The following NXPE2 variants were observed in gnomAD, a reference collection of about 807,000 sequenced individuals.
NXPE2 encodes the protein NXPE family member 2.
A neutral mutation model predicts 34.4 loss-of-function variants in NXPE2; 34 were observed. That is an observed-to-expected ratio of 0.99 (90% CI 0.75 to 1.31). The LOEUF is 1.31. Ranked by LOEUF, NXPE2 falls within the 40% of genes most tolerant of loss-of-function variation. The probability of loss-of-function intolerance (pLI) is 0.00; values close to 1 mark genes in which losing one functional copy is unlikely to be tolerated. For missense variants in NXPE2, 649 were observed against 672.5 expected (o/e 0.97, Z 0.39); for synonymous variants, 235 against 231.3 (o/e 1.02, Z -0.15).
chr11:114,608,752 A>G, the NXPE2 span, among the ~76,000 whole-genome samples: 6 of 151,358 alleles, frequency 4.0e-5, no homozygotes, highest in African/African-American at 1.5e-4. Flanking sequence ...TACCCAATGG[A>G]TAATAAGTAC....
At chr11:114,534,329 T>C in the NXPE2 span, among the ~76,000 whole-genome samples, 1 of 151,832 alleles carries the variant, frequency 6.6e-6, no homozygotes, top group Non-Finnish European at 1.5e-5. Context: ...ATCACAAAGA[T>C]GGGGAAAAAA....
chr11:114,486,470 GT>G, the NXPE2 span, among the ~76,000 whole-genome samples: 1 of 152,054 alleles, frequency 6.6e-6, no homozygotes, highest in Non-Finnish European at 1.5e-5. Context: ...TTTGTGGATT[GT>G]TTCCTTTGCT....
chr11:114,776,224 C>A, the NXPE2 span, among the ~76,000 whole-genome samples: 1 of 152,204 alleles, frequency 6.6e-6, no homozygotes, highest in Non-Finnish European at 1.5e-5. Context: ...GCCCCCGTGT[C>A]CGGGCACAGG....
chr11:114,639,853 TA>T, the NXPE2 span, among the ~76,000 whole-genome samples: 1 of 91,528 alleles, frequency 1.1e-5, no homozygotes, highest in Non-Finnish European at 1.9e-5. Context: ...TAAAATATAA[TA>T]TATATTATAT....
chr11:114,643,971 T>A, the NXPE2 span, among the ~76,000 whole-genome samples: 3 of 152,156 alleles, frequency 2.0e-5, no homozygotes, highest in Non-Finnish European at 4.4e-5. Flanking sequence ...CTTGAAGAGG[T>A]CCTTCATATC....
chr11:114,503,728 G>A, the NXPE2 span, among the ~76,000 whole-genome samples: 3 of 152,220 alleles, frequency 2.0e-5, no homozygotes, highest in South Asian at 2.1e-4. Flanking sequence ...CAGGGAGGCC[G>A]TTATCAAGGA....
chr11:114,540,688 T>C, the NXPE2 span, among the ~76,000 whole-genome samples: 1 of 152,098 alleles, frequency 6.6e-6, no homozygotes, highest in Non-Finnish European at 1.5e-5. Context: ...ACCTGAAGGC[T>C]AAAGACAGTG....
the NXPE2 span, among the ~76,000 whole-genome samples, chr11:114,643,453 C>T: frequency 6.6e-6 from 1 of 151,960 alleles, no homozygotes; most frequent in Non-Finnish European, 1.5e-5. Context: ...AGGAAGGGGT[C>T]CAGTTTCAGT....
At chr11:114,688,044 T>G (rs1344476202) in intron 2 of NXPE2, among the ~76,000 whole-genome samples, 2 of 152,044 alleles carry the variant, frequency 1.3e-5, no homozygotes, top group African/African-American at 4.8e-5. Context: ...TGAAGAGAGA[T>G]AATTTGACTT....
the NXPE2 span, among the ~76,000 whole-genome samples, chr11:114,804,427 AG>A: frequency 6.6e-6 from 1 of 152,256 alleles, no homozygotes; most frequent in African/African-American, 2.4e-5. Flanking sequence ...GCCTACCAAG[AG>A]GCTGAAGAGG....
the NXPE2 span, among the ~76,000 whole-genome samples, chr11:114,525,279 A>G: frequency 6.6e-6 from 1 of 151,992 alleles, no homozygotes; most frequent in Admixed American, 6.6e-5. Flanking sequence ...TGAGAAATAG[A>G]TTCCATTATA....
the NXPE2 span, among the ~76,000 whole-genome samples, chr11:114,507,436 T>TA: frequency 6.6e-6 from 1 of 151,348 alleles, no homozygotes; most frequent in South Asian, 2.1e-4. Flanking sequence ...ACAACAACAA[T>TA]AAAAAAATAA....
At chr11:114,492,023 G>T in the NXPE2 span, among the ~76,000 whole-genome samples, 1 of 151,908 alleles carries the variant, frequency 6.6e-6, no homozygotes, top group African/African-American at 2.4e-5. Context: ...GTCGGGGGAG[G>T]GGGGACGGAT....
chr11:114,582,834 G>C, the NXPE2 span: 1 of 1,614,202 alleles, frequency 6.2e-7, no homozygotes, highest in Non-Finnish European at 8.5e-7. Flanking sequence ...TGTGGCGCTG[G>C]TGGTGGTGTT....
At chr11:114,478,144 C>T in the NXPE2 span, among the ~76,000 whole-genome samples, 413 of 152,060 alleles carry the variant, frequency 2.7e-3, 1 homozygote, top group African/African-American at 9.3e-3. Context: ...CTAGATTCAC[C>T]AGGTAATGAG....
At chr11:114,772,940 A>T in the NXPE2 span, among the ~76,000 whole-genome samples, 1 of 152,042 alleles carries the variant, frequency 6.6e-6, no homozygotes, top group Non-Finnish European at 1.5e-5. Context: ...GCATTCCAGG[A>T]TCTTATTTTT....
At chr11:114,570,680 T>C in the NXPE2 span, 8 of 285,138 alleles carry the variant, frequency 2.8e-5, no homozygotes, top group South Asian at 8.6e-4. Context: ...TGTCTTGACT[T>C]CCCATTGGTG....
the NXPE2 span, among the ~76,000 whole-genome samples, chr11:114,569,540 C>T: frequency 2.0e-5 from 3 of 152,124 alleles, no homozygotes; most frequent in Non-Finnish European, 4.4e-5. Context: ...GTACTCTGCC[C>T]CATGGGGCAC....
the NXPE2 span, among the ~76,000 whole-genome samples, chr11:114,721,975 T>C: frequency 0.035 from 5,328 of 152,150 alleles, 319 homozygotes; most frequent in African/African-American, 0.12. Context: ...GCACTAGAAA[T>C]GTGAGTTGTG....
Sources: gnomAD v4.1 joint callset for allele counts (sites outside exome capture counted in the v4.1 genomes callset) on GRCh38, gnomAD v4.1.1 for gene constraint, MANE v1.5 for transcripts, NCBI Gene and HGNC (gene_info 2026-07-23, HGNC 2026-07-21) for gene names.